The following MAP3K19 variants were observed in gnomAD, a reference collection of about 807,000 sequenced individuals.
MAP3K19 encodes the protein mitogen-activated protein kinase kinase kinase 19.
Under a neutral mutation model 114.4 loss-of-function variants are expected in MAP3K19, and 91 were observed. The observed-to-expected ratio is 0.80, with a 90% CI of 0.67 to 0.95. The LOEUF is 0.95. Ranked by LOEUF, MAP3K19 falls within the 40% of genes least tolerant of loss-of-function variation. MAP3K19 has a pLI of 0.00. For synonymous variants in MAP3K19, 518 were observed against 530.5 expected (o/e 0.98, Z 0.32); for missense variants, 1,471 against 1,573.2 (o/e 0.94, Z 1.10).
intron 8 of MAP3K19, among the ~76,000 whole-genome samples, chr2:134,992,154 G>A (rs1685627506): frequency 6.6e-6 from 1 of 152,180 alleles, no homozygotes; most frequent in African/African-American, 2.4e-5. Context: ...TTTCTCTGGA[G>A]CAATACACTA....
At chr2:135,045,617 A>C (rs970819042) in intron 1 of MAP3K19, among the ~76,000 whole-genome samples, 6 of 152,240 alleles carry the variant, frequency 3.9e-5, no homozygotes, top group Non-Finnish European at 7.3e-5. Context: ...TTTTTCCCCC[A>C]AGGTTATTAC....
Position 134,969,799 on chromosome 2 carries a change from G to A in MAP3K19, c.3921-4883C>T, listed in dbSNP as rs1433002095. On this transcript the variant is annotated intron_variant, in intron 12 of 12. Coordinates refer to ENST00000392915, the MANE Select transcript of MAP3K19 (RefSeq NM_025052.5). Reference sequence around the variant, plus strand: ...TTTAATCAATTTTGAGTTGATTTTTGTATATGGTGAGATAGGGGTCTAACT... The same window carrying A: ...TTTAATCAATTTTGAGTTGATTTTTATATATGGTGAGATAGGGGTCTAACT... Among the ~76,000 whole-genome samples the A allele has an allele frequency of 2.0e-5, 3 of 152,122 alleles. No individual in the cohort carries two copies. In the East Asian group the frequency reaches 5.8e-4, roughly 29 times the overall value.
chr2:135,009,574 C>T (rs1278853061), intron 5 of MAP3K19, among the ~76,000 whole-genome samples: 1 of 152,142 alleles, frequency 6.6e-6, no homozygotes, highest in African/African-American at 2.4e-5. Flanking sequence ...GTTCTCACAT[C>T]AAGTTTCCAT....
intron 2 of MAP3K19, among the ~76,000 whole-genome samples, chr2:135,032,371 A>AG (rs201500725): frequency 0.057 from 7,985 of 140,546 alleles, 496 homozygotes; most frequent in African/African-American, 0.15. Context: ...AAAAAAAAAA[A>AG]AAGAAAAGAA....
At chr2:134,982,108 T>C (rs1466870203) in intron 11 of MAP3K19, among the ~76,000 whole-genome samples, 4 of 139,294 alleles carry the variant, frequency 2.9e-5, no homozygotes, top group African/African-American at 1.1e-4. Flanking sequence ...GCTACCTTTT[T>C]CTTTCTTTTT....
At chr2:134,977,170 C>T (rs1182312108) in intron 12 of MAP3K19, among the ~76,000 whole-genome samples, 2 of 150,830 alleles carry the variant, frequency 1.3e-5, no homozygotes, top group Non-Finnish European at 2.9e-5. Flanking sequence ...CTAGCTACCA[C>T]CGCTCCCCCA....
Position 134,986,796 on chromosome 2 carries a change from T to C in MAP3K19, c.2076A>G (p.Pro692=), listed in dbSNP as rs1685155705. 1 of 1,614,252 alleles carries C rather than the reference T, an allele frequency of 6.2e-7. No homozygotes were observed. Among genetic ancestry groups the C allele is most frequent in the Non-Finnish European group, 8.5e-7 (1 of 1,180,052 alleles). Residue 692 remains proline (P), a synonymous_variant, in exon 10 of 13, where the codon CCA becomes CCG. Coordinates refer to ENST00000392915, the MANE Select transcript of MAP3K19 (RefSeq NM_025052.5). ...ATTTATTGGTGATACGTCTGCCTGA[T>C]GGAGCCGAACATATCTCACGGTAAT... is the stretch of plus-strand genomic sequence containing the variant. ...NTYYREICSA[P]SGRRITNKCR...
intron 12 of MAP3K19, among the ~76,000 whole-genome samples, chr2:134,979,948 C>T (rs1290725087): frequency 6.6e-6 from 1 of 152,094 alleles, no homozygotes; most frequent in African/African-American, 2.4e-5. Context: ...TGGGGGTTGC[C>T]ATATGTGCTT....
chr2:134,987,563 A>G lies in MAP3K19; in HGVS notation c.1309T>C (p.Cys437Arg), dbSNP rs764742526. The G allele has an allele frequency of 3.7e-6, 6 of 1,613,840 alleles. No individual in the cohort carries two copies. In the Admixed American group the frequency reaches 8.3e-5, roughly 22 times the overall value. Residue 437 changes from cysteine (C) to arginine (R), a missense_variant, in exon 10 of 13, where the codon TGT becomes CGT. Transcript: ENST00000392915. ...CTGGATAAGCTTTTAAGTACAGTACACTCTTCTAAAATATTGTTTGGTTCC... is the reference window on the plus strand; with the variant it reads ...CTGGATAAGCTTTTAAGTACAGTACGCTCTTCTAAAATATTGTTTGGTTCC... ...AMEPNNILEE[C>R]TVLKSLSSVV...
intron 1 of MAP3K19, among the ~76,000 whole-genome samples, chr2:135,046,969 A>C (rs1688758102): frequency 6.6e-6 from 1 of 152,234 alleles, no homozygotes; most frequent in Non-Finnish European, 1.5e-5. Context: ...CCTATGGTCT[A>C]GAGGTGCCTG....
At chr2:134,973,552 T>C (rs1028845004) in intron 12 of MAP3K19, among the ~76,000 whole-genome samples, 1 of 152,240 alleles carries the variant, frequency 6.6e-6, no homozygotes. Flanking sequence ...TATTTTTGGG[T>C]CACTTTTTAA....
rs1034432323 is a variant in MAP3K19 at position 135,045,186 on chromosome 2, C to A, written c.-424+1999G>T. Among the ~76,000 whole-genome samples, 3 of 152,146 alleles carry A rather than the reference C, an allele frequency of 2.0e-5. No homozygotes were observed. The South Asian group carries it at 6.2e-4, about 31-fold the overall frequency. ...AGAATGGCTGTATCAATTTACACTC[C>A]CACCAGTAATGCCTAACAGTTTTCT... On this transcript the variant is annotated intron_variant, in intron 1 of 12. Transcript: ENST00000392915.
intron 8 of MAP3K19, among the ~76,000 whole-genome samples, chr2:134,993,874 G>T (rs1319208429): frequency 6.6e-6 from 1 of 152,056 alleles, no homozygotes; most frequent in Non-Finnish European, 1.5e-5. Context: ...AGCCAGGTGT[G>T]GTGCCATGCA....
At chr2:135,019,340 A>G (rs1352475432) in intron 5 of MAP3K19, among the ~76,000 whole-genome samples, 2 of 152,258 alleles carry the variant, frequency 1.3e-5, no homozygotes, top group African/African-American at 2.4e-5. Flanking sequence ...TATTTTATGA[A>G]GCATATACCT....
intron 1 of MAP3K19, among the ~76,000 whole-genome samples, chr2:135,046,729 AC>A (rs1241881258): frequency 2.0e-5 from 3 of 152,220 alleles, no homozygotes; most frequent in Admixed American, 6.5e-5. Flanking sequence ...GTTATAGTGT[AC>A]ATTTGATTTA....
chr2:135,013,135 C>G (rs1687350316), intron 5 of MAP3K19, among the ~76,000 whole-genome samples: 1 of 151,996 alleles, frequency 6.6e-6, no homozygotes, highest in Admixed American at 6.6e-5. Context: ...GCCTGGTCAA[C>G]ATGGTGAAAC....
At chr2:135,008,817 C>T (rs1478781444) in intron 5 of MAP3K19, among the ~76,000 whole-genome samples, 1 of 152,036 alleles carries the variant, frequency 6.6e-6, no homozygotes, top group Non-Finnish European at 1.5e-5. Context: ...CTCACTCTGG[C>T]ACACAGGCTG....
intron 1 of MAP3K19, among the ~76,000 whole-genome samples, chr2:135,043,246 A>G (rs1688680801): frequency 6.6e-6 from 1 of 152,202 alleles, no homozygotes; most frequent in Non-Finnish European, 1.5e-5. Flanking sequence ...AGATGAGGTC[A>G]GCAGCAGAGC....
chr2:135,018,281 C>CAAAAAAAAAAAAAAA (rs781510594), intron 5 of MAP3K19, among the ~76,000 whole-genome samples: 1 of 58,288 alleles, frequency 1.7e-5, no homozygotes, highest in Non-Finnish European at 3.5e-5. Context: ...GCAACAACAG[C>CAAAAAAAAAAAAAAA]AAAAAAAAAA....
Sources: gnomAD v4.1 joint callset for allele counts (sites outside exome capture counted in the v4.1 genomes callset) on GRCh38, gnomAD v4.1.1 for gene constraint, MANE v1.5 for transcripts, NCBI Gene and HGNC (gene_info 2026-07-23, HGNC 2026-07-21) for gene names.